Variants in SLC7A11 observed in about 807,000 individuals in gnomAD.
SLC7A11 encodes the protein cystine/glutamate transporter.
In SLC7A11, 35 loss-of-function variants were observed where a neutral mutation model predicts 54.5. That is an observed-to-expected ratio of 0.64 (90% CI 0.49 to 0.85). SLC7A11 has a LOEUF of 0.85. SLC7A11 is among the 40% of genes least tolerant of loss of function. The pLI is 0.00. For synonymous variants in SLC7A11, 230 were observed against 225.2 expected, an observed-to-expected ratio of 1.02 and a Z score of -0.19; for missense variants, 583 against 618.1, an observed-to-expected ratio of 0.94 and a Z score of 0.60.
intron 6 of SLC7A11, among the ~76,000 whole-genome samples, chr4:138,210,194 T>G (rs1737514314): frequency 6.6e-6 from 1 of 152,002 alleles, no homozygotes; most frequent in Non-Finnish European, 1.5e-5. Context: ...GCCAGCCTCA[T>G]GCAGAAGGAT....
intron 6 of SLC7A11, among the ~76,000 whole-genome samples, chr4:138,189,012 G>T (rs1297879776): frequency 1.3e-5 from 2 of 152,096 alleles, no homozygotes; most frequent in African/African-American, 4.8e-5. Context: ...GTTGTAAATG[G>T]TCTTCAGTCG....
chr4:138,223,476 G>A (rs1404736144), intron 3 of SLC7A11, 152 bp from the exon 4 acceptor site: 3 of 766,262 alleles, frequency 3.9e-6, no homozygotes, highest in East Asian at 5.5e-5. Context: ...CTCTGCCCCA[G>A]GCCTAATGAA....
chr4:138,194,681 T>C (rs528944304), intron 6 of SLC7A11, among the ~76,000 whole-genome samples: 1 of 152,278 alleles, frequency 6.6e-6, no homozygotes, highest in Non-Finnish European at 1.5e-5. Context: ...GAGTTCTGTC[T>C]CTGATATTTG....
rs563215098 is a variant in SLC7A11, at chr4:138,184,614, C to A, written c.915+507G>T. Among the ~76,000 whole-genome samples the A allele has an allele frequency of 3.3e-5, 5 of 152,136 alleles. No individual in the cohort carries two copies. The East Asian group carries it at 9.7e-4, about 29-fold the overall frequency. ...ACAACATCGGTTTAACTTTGAATAA[C>A]CCAGTATTTCCTAAATTTATTAATA... On this transcript the variant is annotated intron_variant, in intron 7 of 11. Coordinates refer to ENST00000280612, the MANE Select transcript of SLC7A11 (RefSeq NM_014331.4).
intron 7 of SLC7A11, among the ~76,000 whole-genome samples, chr4:138,184,370 T>C (rs977302629): frequency 6.6e-6 from 1 of 152,162 alleles, no homozygotes; most frequent in African/African-American, 2.4e-5. Flanking sequence ...CTTTTCACCA[T>C]TCATTGTTAT....
At chr4:138,188,904 A>G (rs1173230020) in intron 6 of SLC7A11, among the ~76,000 whole-genome samples, 2 of 152,188 alleles carry the variant, frequency 1.3e-5, no homozygotes. Context: ...CTAACGAAAT[A>G]CCATTTACAA....
At chr4:138,215,477 A>C (rs1484261050) in intron 5 of SLC7A11, among the ~76,000 whole-genome samples, 1 of 152,136 alleles carries the variant, frequency 6.6e-6, no homozygotes, top group Non-Finnish European at 1.5e-5. Flanking sequence ...ATTCACAAGT[A>C]GTCAGTTGAT....
At chr4:138,237,883 T>G (rs1300588070) in intron 1 of SLC7A11, among the ~76,000 whole-genome samples, 1 of 147,512 alleles carries the variant, frequency 6.8e-6, no homozygotes, top group Non-Finnish European at 1.5e-5. Flanking sequence ...TCTCAAGTAG[T>G]TGGGATTAGA....
intron 6 of SLC7A11, among the ~76,000 whole-genome samples, chr4:138,211,141 A>T (rs1188817397): frequency 6.6e-6 from 1 of 152,032 alleles, no homozygotes; most frequent in Non-Finnish European, 1.5e-5. Flanking sequence ...ACAGAGAAAC[A>T]GAAAACCAAA....
In SLC7A11 at chr4:138,165,967, G is replaced by T. The variant is rs1736245354; in HGVS notation, c.*5989C>A. 1 of 152,150 alleles carries T rather than the reference G, an allele frequency of 6.6e-6. No individual in the cohort carries two copies. The highest frequency in any genetic ancestry group is 2.4e-5 in the African/African-American group (1 of 41,440). The allele number at this position is 152,150 out of a possible 1,614,324, so 9.4% of individuals were successfully genotyped here. Reference sequence around the variant, plus strand: ...TTTCTTCTTTCAGAGCAATAAGAAAGTTATTTGGGGTAGTACTTGAAATAA... The same window carrying T: ...TTTCTTCTTTCAGAGCAATAAGAAATTTATTTGGGGTAGTACTTGAAATAA... On this transcript the variant is annotated 3_prime_UTR_variant, in exon 12 of 12. Coordinates refer to ENST00000280612, the MANE Select transcript of SLC7A11 (RefSeq NM_014331.4).
intron 6 of SLC7A11, among the ~76,000 whole-genome samples, chr4:138,194,360 C>A (rs1737081874): frequency 6.6e-6 from 1 of 152,084 alleles, no homozygotes; most frequent in South Asian, 2.1e-4. Context: ...TCTTTCAGCT[C>A]AAAAGTTAAA....
At chr4:138,197,635 A>G (rs1268894507) in intron 6 of SLC7A11, among the ~76,000 whole-genome samples, 1 of 152,054 alleles carries the variant, frequency 6.6e-6, no homozygotes, top group Non-Finnish European at 1.5e-5. Flanking sequence ...TGAGCTTTAA[A>G]TTTAAAAGCA....
intron 6 of SLC7A11, among the ~76,000 whole-genome samples, chr4:138,209,400 T>C (rs1166536038): frequency 2.0e-5 from 3 of 151,994 alleles, no homozygotes; most frequent in Admixed American, 2.0e-4. Context: ...ACTAAAGGTA[T>C]TTTGAAGCTG....
intron 1 of SLC7A11, among the ~76,000 whole-genome samples, chr4:138,237,711 ATATATATATATATATATATATATATAT>A (rs1738247816): frequency 2.2e-4 from 1 of 4,580 alleles, no homozygotes; most frequent in Admixed American, 4.6e-3. Flanking sequence ...ATATATATAT[ATATATATATATATATATATATATATAT>A]TTTTTTTTTT....
chr4:138,225,839 T>C (rs1737935767), intron 3 of SLC7A11, among the ~76,000 whole-genome samples: 1 of 151,556 alleles, frequency 6.6e-6, no homozygotes. Context: ...AGAAAAGAAC[T>C]GTTATATAGA....
In SLC7A11 at chr4:138,238,532, T is replaced by TAGTGTTAC. The variant is rs535443512; in HGVS notation, c.278-2089_278-2082dup. On this transcript the variant is annotated intron_variant, in intron 1 of 11. Transcript: ENST00000280612. ...ATAATTTGGATATTCAGTGAAATCTTAGTGTTACATATTTTATATCTGATT... is the reference window on the plus strand; with the variant it reads ...ATAATTTGGATATTCAGTGAAATCTTAGTGTTACAGTGTTACATATTTTATATCTGATT... Among the ~76,000 whole-genome samples the TAGTGTTAC allele has an allele frequency of 1.0e-3, 158 of 152,286 alleles. 1 individual carries two copies. Among genetic ancestry groups the TAGTGTTAC allele is most frequent in the African/African-American group, 3.6e-3 (150 of 41,562 alleles).
intron 3 of SLC7A11, among the ~76,000 whole-genome samples, chr4:138,230,918 C>T (rs1359836520): frequency 6.6e-6 from 1 of 152,120 alleles, no homozygotes; most frequent in Non-Finnish European, 1.5e-5. Context: ...GGAAATACAG[C>T]AATGAATAGG....
At position 138,169,546 on chromosome 4, in the gene SLC7A11, C is replaced by A. The variant is rs963994906; in HGVS notation, c.*2410G>T. 6.6e-6 allele frequency: 1 copy of A among 151,848 alleles called. No individual in the cohort carries two copies. The highest frequency in any genetic ancestry group is 2.4e-5 in the African/African-American group (1 of 41,392). 9.4% of individuals were successfully genotyped at this position (151,848 alleles called of 1,614,324 possible). On this transcript the variant is annotated 3_prime_UTR_variant, in exon 12 of 12. Transcript: ENST00000280612. ...GATACTTTTAAAGAGAAATTCAAAT[C>A]AAAAATAAATAAATTAAAGTCTGAG...
At chr4:138,223,371 C>T in intron 3 of SLC7A11, 47 bp from the exon 4 acceptor site, 2 of 1,603,346 alleles carry the variant, frequency 1.2e-6, no homozygotes, top group Non-Finnish European at 1.7e-6. Flanking sequence ...CTCACTGGCA[C>T]AAAGACATTT....
Sources: allele counts gnomAD v4.1 joint callset (sites outside exome capture counted in the v4.1 genomes callset), GRCh38; gene constraint gnomAD v4.1.1; transcripts MANE v1.5; gene names NCBI Gene and HGNC (gene_info 2026-07-23, HGNC 2026-07-21).